Variants in RRP1B observed in about 807,000 individuals in gnomAD.
RRP1B encodes ribosomal RNA processing protein 1 homolog B.
In RRP1B, 56 loss-of-function variants were observed where a neutral mutation model predicts 80.2. The observed-to-expected ratio is 0.70, with a 90% confidence interval of 0.56 to 0.87. The LOEUF is 0.87. Among genes scored for constraint, RRP1B ranks in the 40% least tolerant of loss-of-function variants. The probability of loss-of-function intolerance (pLI) is 0.00; values close to 1 mark genes in which losing one functional copy is unlikely to be tolerated. For synonymous variants in RRP1B, 351 were observed against 357.6 expected (o/e 0.98, Z 0.21); for missense variants, 807 against 939.8 (o/e 0.86, Z 1.85).
intron 15 of RRP1B, among the ~76,000 whole-genome samples, chr21:43,692,769 ACT>A (rs4052138): frequency 1.3e-5 from 2 of 151,774 alleles, no homozygotes; most frequent in African/African-American, 4.9e-5. Flanking sequence ...GGGAGAAGAG[ACT>A]CTGAGAGACT....
intron 8 of RRP1B, among the ~76,000 whole-genome samples, chr21:43,681,297 TAGA>T: frequency 6.7e-6 from 1 of 149,706 alleles, no homozygotes; most frequent in Non-Finnish European, 1.5e-5. Context: ...GATAGATAGA[TAGA>T]TAGAATCAAG....
At chr21:43,675,879 ATTTTAT>A (rs1424175934) in intron 6 of RRP1B, among the ~76,000 whole-genome samples, 1 of 150,284 alleles carries the variant, frequency 6.7e-6, no homozygotes, top group African/African-American at 2.5e-5. Context: ...ATTTTATTTT[ATTTTAT>A]TTTATTTTAT....
At position 43,659,813 on chromosome 21, in the gene RRP1B, T is replaced by C; in HGVS notation, c.130+19T>C. ...GAGACAGGTGGGCGCACGGCCGCGG[T>C]CAGCCGCGCCACATGGCGGGCCGGG... On this transcript the variant is annotated intron_variant, in intron 1 of 15. Coordinates refer to ENST00000340648, the MANE Select transcript of RRP1B (RefSeq NM_015056.3). This position sits in a 1 kb window ranked among gnomAD's most constrained non-coding sequence, Gnocchi z 4.2. 1 of 1,494,718 alleles carries C rather than the reference T, an allele frequency of 6.7e-7. No homozygotes were observed. 92.6% of individuals were successfully genotyped at this position (1,494,718 alleles called of 1,614,324 possible).
intron 8 of RRP1B, among the ~76,000 whole-genome samples, chr21:43,682,245 G>A (rs2083046333): frequency 6.6e-6 from 1 of 152,152 alleles, no homozygotes; most frequent in Non-Finnish European, 1.5e-5. Flanking sequence ...CGCCTAACCT[G>A]GACACAGACT....
chr21:43,686,720 A>G (rs2083064510), intron 11 of RRP1B, 84 bp from the exon 12 acceptor site: 2 of 1,509,690 alleles, frequency 1.3e-6, no homozygotes, highest in South Asian at 2.4e-5. Context: ...TGAGGCAGAA[A>G]TTGGGAGGGG....
intron 4 of RRP1B, among the ~76,000 whole-genome samples, 160 bp downstream of exon 4, chr21:43,674,115 T>A (rs1157179291): frequency 6.6e-6 from 1 of 152,232 alleles, no homozygotes; most frequent in Admixed American, 6.5e-5. Context: ...GTTTTGGCTT[T>A]TGCAGTTCTT....
intron 5 of RRP1B, among the ~76,000 whole-genome samples, 166 bp from the exon 6 acceptor site, chr21:43,674,868 C>T (rs1050224026): frequency 6.6e-6 from 1 of 152,120 alleles, no homozygotes; most frequent in Non-Finnish European, 1.5e-5. Context: ...TGACAGTTAA[C>T]ATTTTATCCT....
intron 5 of RRP1B, 26 bp from the exon 6 acceptor site, chr21:43,675,008 A>G (rs2083015956): frequency 1.2e-6 from 2 of 1,612,886 alleles, no homozygotes; most frequent in South Asian, 1.1e-5. Flanking sequence ...ACTGTCATTC[A>G]CAGAAGCATG....
In RRP1B at chr21:43,694,591, G is replaced by A. The variant is rs1482524128; in HGVS notation, c.*1208G>A. ...CGCAGCTACCGTCTGCACGGTGAGA[G>A]GGCACGGGCACACGGTTCGGGCTGG... On this transcript the variant is annotated 3_prime_UTR_variant, in exon 16 of 16. Transcript: ENST00000340648. The A allele has an allele frequency of 6.6e-6, 1 of 152,284 alleles. No individual in the cohort carries two copies. The highest frequency in any genetic ancestry group is 1.9e-4 in the East Asian group (1 of 5,204). The allele number at this position is 152,284 out of a possible 1,614,324, so 9.4% of individuals were successfully genotyped here. A position where few individuals can be genotyped will look rare whatever the true frequency, so the allele number is the denominator to read the frequency against.
chr21:43,666,114 G>A (rs778171906), intron 1 of RRP1B, among the ~76,000 whole-genome samples: 2 of 152,248 alleles, frequency 1.3e-5, no homozygotes, highest in Non-Finnish European at 2.9e-5. Context: ...CTTACCCCAC[G>A]TGGAGAGGCG....
At position 43,676,928 on chromosome 21, in the gene RRP1B, C is replaced by T; in HGVS notation, c.796+14C>T. The T allele has an allele frequency of 6.2e-7, 1 of 1,612,340 alleles. No individual in the cohort carries two copies. Among genetic ancestry groups the T allele is most frequent in the Non-Finnish European group, 8.5e-7 (1 of 1,178,750 alleles). ...AAAAGAAGACAGGTAGGAGGATGTTCTTGGTCAGTGTAGCTTTCTTTCTGC... is the reference window on the plus strand; with the variant it reads ...AAAAGAAGACAGGTAGGAGGATGTTTTTGGTCAGTGTAGCTTTCTTTCTGC... On this transcript the variant is annotated intron_variant, in intron 8 of 15. Coordinates refer to ENST00000340648, the MANE Select transcript of RRP1B (RefSeq NM_015056.3).
Position 43,684,692 on chromosome 21 carries a change from A to C in RRP1B, c.989+42A>C, listed in dbSNP as rs769068689. On this transcript the variant is annotated intron_variant, in intron 10 of 15. Coordinates refer to ENST00000340648, the MANE Select transcript of RRP1B (RefSeq NM_015056.3). ...AGGGTTCTGACATCATCATTCCTTT[A>C]GTTCTCATCTCCTGGTGTGGGACAA... is the stretch of plus-strand genomic sequence containing the variant. 6 of 1,493,328 alleles carry C rather than the reference A, an allele frequency of 4.0e-6. No individual in the cohort carries two copies. The South Asian group carries it at 6.8e-5, about 17-fold the overall frequency. 92.5% of individuals were successfully genotyped at this position (1,493,328 alleles called of 1,614,324 possible).
chr21:43,684,651 G>C lies in RRP1B; in HGVS notation c.989+1G>C. 6.2e-7 allele frequency: 1 copy of C among 1,612,342 alleles called. No homozygotes were observed. The highest frequency in any genetic ancestry group is 8.5e-7 in the Non-Finnish European group (1 of 1,178,386). ...AGCGCCTCTCCAAACTCATCAAGAAGTCAGTAACTGGGGAGAGGGTTCTGA... is the reference window on the plus strand; with the variant it reads ...AGCGCCTCTCCAAACTCATCAAGAACTCAGTAACTGGGGAGAGGGTTCTGA... On this transcript the variant is annotated splice_donor_variant, in intron 10 of 15. Transcript: ENST00000340648. LOFTEE classifies it high-confidence loss of function.
Position 43,695,018 on chromosome 21 carries a change from T to G in RRP1B, c.*1635T>G, listed in dbSNP as rs2083101965. 6.6e-6 allele frequency: 1 copy of G among 152,168 alleles called. No individual in the cohort carries two copies. Among genetic ancestry groups the G allele is most frequent in the Non-Finnish European group, 1.5e-5 (1 of 68,034 alleles). 9.4% of individuals were successfully genotyped at this position (152,168 alleles called of 1,614,324 possible). On this transcript the variant is annotated 3_prime_UTR_variant, in exon 16 of 16. Coordinates refer to ENST00000340648, the MANE Select transcript of RRP1B (RefSeq NM_015056.3). The stretch of plus-strand genomic sequence containing the variant: ...TCATAATGAGCCATGAAAAAAGTAA[T>G]GAACTTGTGCTGTTAATCGTCACTG...
At chr21:43,673,309 GC>G (rs2083007259) in intron 3 of RRP1B, among the ~76,000 whole-genome samples, 1 of 152,146 alleles carries the variant, frequency 6.6e-6, no homozygotes, top group South Asian at 2.1e-4. Flanking sequence ...AATGTTGCCA[GC>G]CCTTCCGGTT....
At chr21:43,682,062 T>G (rs1453355078) in intron 8 of RRP1B, among the ~76,000 whole-genome samples, 2 of 151,954 alleles carry the variant, frequency 1.3e-5, no homozygotes, top group Non-Finnish European at 2.9e-5. Flanking sequence ...AGCCCAGGAG[T>G]TTGAGACCAG....
At position 43,693,528 on chromosome 21, in the gene RRP1B, G is replaced by A; in HGVS notation, c.*145G>A. On this transcript the variant is annotated 3_prime_UTR_variant, in exon 16 of 16. Transcript: ENST00000340648. This position sits in a 1 kb window ranked among gnomAD's most constrained non-coding sequence, Gnocchi z 4.1. ...GTTCTGAGAGTGCCCGCAGGCTGCT[G>A]CGTCCTGGCCCCTCTGTAGTGGCTG... 1.3e-6 allele frequency: 1 copy of A among 751,876 alleles called. No individual in the cohort carries two copies. The highest frequency in any genetic ancestry group is 2.0e-6 in the Non-Finnish European group (1 of 495,378). 46.6% of individuals were successfully genotyped at this position (751,876 alleles called of 1,614,324 possible). A position where few individuals can be genotyped will look rare whatever the true frequency, so the allele number is the denominator to read the frequency against.
chr21:43,665,041 A>G (rs545934369), intron 1 of RRP1B, among the ~76,000 whole-genome samples: 12 of 152,306 alleles, frequency 7.9e-5, no homozygotes, highest in East Asian at 1.9e-4. Context: ...CCCACTGTCC[A>G]GGGTCTGTTG....
intron 11 of RRP1B, 23 bp downstream of exon 11, chr21:43,685,812 A>G: frequency 1.3e-6 from 2 of 1,590,886 alleles, no homozygotes; most frequent in Non-Finnish European, 1.7e-6. Flanking sequence ...AAGAATCATC[A>G]TTCATGGTGT....
Sources: gnomAD v4.1 joint callset for allele counts (sites outside exome capture counted in the v4.1 genomes callset) on GRCh38, gnomAD v4.1.1 for gene constraint, Gnocchi (gnomAD v3.1) non-coding constraint, MANE v1.5 for transcripts, NCBI Gene and HGNC (gene_info 2026-07-23, HGNC 2026-07-21) for gene names.